Variants in FHIT observed in about 807,000 individuals in gnomAD.
The protein encoded by FHIT is bis(5'-adenosyl)-triphosphatase.
In FHIT, 19 loss-of-function variants were observed where a neutral mutation model predicts 17.9. The observed-to-expected ratio is 1.06, with a 90% CI of 0.74 to 1.56. The LOEUF (loss-of-function observed/expected upper bound fraction) is 1.56, where lower values mean the gene tolerates loss of function less well. Among genes scored for constraint, FHIT ranks in the 40% most tolerant of loss-of-function variants. The probability of loss-of-function intolerance (pLI) is 0.00; values close to 1 mark genes in which losing one functional copy is unlikely to be tolerated. For missense variants in FHIT, 248 were observed against 189.2 expected (o/e 1.31, Z -1.82); for synonymous variants, 81 against 69.7 (o/e 1.16, Z -0.81).
At chr3:60,921,520 T>C (rs1707278316) in intron 3 of FHIT, among the ~76,000 whole-genome samples, 1 of 152,200 alleles carries the variant, frequency 6.6e-6, no homozygotes, top group Non-Finnish European at 1.5e-5. Context: ...TGTGTAAACA[T>C]AAATGAACTA....
At chr3:60,197,358 A>C (rs1702696116) in intron 5 of FHIT, among the ~76,000 whole-genome samples, 1 of 152,214 alleles carries the variant, frequency 6.6e-6, no homozygotes, top group South Asian at 2.1e-4. Flanking sequence ...TTGAAATAAT[A>C]GGATACAGTG....
intron 3 of FHIT, among the ~76,000 whole-genome samples, chr3:60,962,145 A>G (rs1709487302): frequency 6.6e-6 from 1 of 152,104 alleles, no homozygotes; most frequent in Non-Finnish European, 1.5e-5. Context: ...GGTCCTTCCC[A>G]TCTCTTGTAA....
intron 5 of FHIT, among the ~76,000 whole-genome samples, chr3:60,269,686 G>A (rs1376932847): frequency 6.6e-6 from 1 of 152,170 alleles, no homozygotes; most frequent in African/African-American, 2.4e-5. Context: ...CATTGAGCCA[G>A]GCATTGAGTA....
intron 5 of FHIT, among the ~76,000 whole-genome samples, chr3:60,446,927 A>T (rs1278786504): frequency 6.6e-6 from 1 of 151,366 alleles, no homozygotes; most frequent in African/African-American, 2.4e-5. Flanking sequence ...AAATCTACCC[A>T]AGGCACCCAT....
intron 5 of FHIT, among the ~76,000 whole-genome samples, chr3:60,235,526 G>C (rs1384419795): frequency 6.6e-6 from 1 of 152,106 alleles, no homozygotes; most frequent in Admixed American, 6.5e-5. Flanking sequence ...ACCGTGCCCG[G>C]CCATATCTAT....
chr3:59,856,738 A>C (rs1559667774), intron 8 of FHIT, among the ~76,000 whole-genome samples: 1 of 151,998 alleles, frequency 6.6e-6, no homozygotes, highest in African/African-American at 2.4e-5. Flanking sequence ...ATGGCTTTTT[A>C]TAATATCTAT....
intron 5 of FHIT, among the ~76,000 whole-genome samples, chr3:60,062,089 G>T (rs1339644148): frequency 6.6e-6 from 1 of 152,128 alleles, no homozygotes; most frequent in East Asian, 1.9e-4. Context: ...GTTTCCTTAG[G>T]TTATTACCAG....
intron 8 of FHIT, among the ~76,000 whole-genome samples, chr3:59,906,703 A>G (rs1704600709): frequency 6.6e-6 from 1 of 152,256 alleles, no homozygotes; most frequent in South Asian, 2.1e-4. Context: ...CAAAGATATT[A>G]GGATCTCTCT....
intron 5 of FHIT, among the ~76,000 whole-genome samples, chr3:60,167,642 T>C (rs1300128079): frequency 6.6e-6 from 1 of 152,244 alleles, no homozygotes; most frequent in East Asian, 1.9e-4. Context: ...ACAGTCTTCA[T>C]TAATTTCACA....
At chr3:60,498,550 C>T (rs28373656) in intron 5 of FHIT, among the ~76,000 whole-genome samples, 20,959 of 152,144 alleles carry the variant, frequency 0.14, 1,577 homozygotes, top group Middle Eastern at 0.22. Flanking sequence ...TGCTATTTCA[C>T]CTGAATAATT....
chr3:59,967,903 A>G (rs1708003207), intron 7 of FHIT, among the ~76,000 whole-genome samples: 1 of 152,214 alleles, frequency 6.6e-6, no homozygotes, highest in South Asian at 2.1e-4. Flanking sequence ...TGGAGAAAAG[A>G]TATCTTAGAA....
chr3:60,790,579 G>T (rs958265840), intron 4 of FHIT, among the ~76,000 whole-genome samples: 1 of 152,128 alleles, frequency 6.6e-6, no homozygotes, highest in Non-Finnish European at 1.5e-5. Flanking sequence ...AAAGGATAGA[G>T]CGAAACTTCC....
intron 6 of FHIT, among the ~76,000 whole-genome samples, chr3:60,013,597 C>G (rs212023): frequency 0.95 from 144,231 of 152,216 alleles, 68,816 homozygotes; most frequent in East Asian, 1. Flanking sequence ...GAATTAAAGA[C>G]AGACAAAAGG....
intron 5 of FHIT, among the ~76,000 whole-genome samples, chr3:60,521,493 C>A (rs533750731): frequency 6.6e-6 from 1 of 152,116 alleles, no homozygotes; most frequent in Non-Finnish European, 1.5e-5. Flanking sequence ...GTGATCCGCC[C>A]ACCTCGGCCT....
chr3:60,314,152 A>T (rs781158380), intron 5 of FHIT, among the ~76,000 whole-genome samples: 2 of 152,208 alleles, frequency 1.3e-5, no homozygotes, highest in Non-Finnish European at 2.9e-5. Context: ...TTGCTGCGTA[A>T]ATGCAGCTGT....
intron 5 of FHIT, among the ~76,000 whole-genome samples, chr3:60,316,465 G>C (rs951663782): frequency 3.9e-5 from 6 of 152,136 alleles, no homozygotes; most frequent in African/African-American, 1.4e-4. Flanking sequence ...TTTAGGACAA[G>C]TGAGTAAGCA....
intron 4 of FHIT, among the ~76,000 whole-genome samples, chr3:60,577,055 GA>G (rs1235542944): frequency 1.3e-5 from 2 of 151,516 alleles, no homozygotes; most frequent in East Asian, 1.9e-4. Flanking sequence ...TCTAATTATG[GA>G]AAAAAATTGT....
chr3:60,378,006 G>T (rs1404764822), intron 5 of FHIT, among the ~76,000 whole-genome samples: 2 of 152,090 alleles, frequency 1.3e-5, no homozygotes, highest in Non-Finnish European at 2.9e-5. Flanking sequence ...GAAGCAATGT[G>T]AGAGACTATT....
intron 4 of FHIT, among the ~76,000 whole-genome samples, chr3:60,545,458 G>C (rs1382955825): frequency 6.6e-6 from 1 of 152,044 alleles, no homozygotes; most frequent in Non-Finnish European, 1.5e-5. Context: ...TGGGCTTATA[G>C]GATTCCAGAC....
Sources: gnomAD v4.1 joint callset for allele counts (sites outside exome capture counted in the v4.1 genomes callset) on GRCh38, gnomAD v4.1.1 for gene constraint, MANE v1.5 for transcripts, NCBI Gene and HGNC (gene_info 2026-07-23, HGNC 2026-07-21) for gene names.